FCHO2: variants seen among roughly 807,000 people sequenced by gnomAD.
The protein encoded by FCHO2 is F-BAR domain only protein 2.
In FCHO2, 43 loss-of-function variants were observed where a neutral mutation model predicts 114.1. That is an observed-to-expected ratio of 0.38 (90% CI 0.30 to 0.49). The LOEUF (loss-of-function observed/expected upper bound fraction) is 0.49, where lower values mean the gene tolerates loss of function less well. Ranked by LOEUF, FCHO2 falls within the 20% of genes least tolerant of loss-of-function variation. FCHO2 has a pLI of 0.97. For missense variants in FCHO2, 807 were observed against 950.4 expected (o/e 0.85, Z 1.98); for synonymous variants, 293 against 315.2 (o/e 0.93, Z 0.75).
intron 5 of FCHO2, among the ~76,000 whole-genome samples, chr5:73,001,202 G>A (rs12153334): frequency 0.12 from 17,904 of 152,096 alleles, 1,268 homozygotes; most frequent in Non-Finnish European, 0.17. Context: ...TTTGGGACCA[G>A]CCTGGGCAAC....
rs143626052 is a variant in FCHO2, at chr5:73,023,789, G to A, written c.796+6481G>A. On this transcript the variant is annotated intron_variant, in intron 8 of 25. Coordinates refer to ENST00000430046, the MANE Select transcript of FCHO2 (RefSeq NM_138782.3). ...TTATCAAATATATGCCACTAATTTC[G>A]TTTAATATAGACTTGCAGGTGAATG... is the stretch of plus-strand genomic sequence containing the variant. Among the ~76,000 whole-genome samples the A allele has an allele frequency of 1.8e-3, 279 of 151,788 alleles. 2 individuals are homozygous for A. The highest frequency in any genetic ancestry group is 6.4e-3 in the African/African-American group (265 of 41,418).
At chr5:72,996,505 A>G (rs1056760086) in intron 5 of FCHO2, among the ~76,000 whole-genome samples, 1 of 152,046 alleles carries the variant, frequency 6.6e-6, no homozygotes, top group Non-Finnish European at 1.5e-5. Context: ...AAAAACAGAA[A>G]AAAGCTATTG....
rs1743432098 is a variant in FCHO2 at position 73,089,920 on chromosome 5, C to T, written c.*1830C>T. On this transcript the variant is annotated 3_prime_UTR_variant, in exon 26 of 26. Transcript: ENST00000430046. ...ATGCTAATCTTTACTAAATAGTGAG[C>T]TAAATTAGAATTTCTAACTCTTATA... 6.6e-6 allele frequency: 1 copy of T among 152,508 alleles called. No individual in the cohort carries two copies. Among genetic ancestry groups the T allele is most frequent in the Non-Finnish European group, 1.5e-5 (1 of 67,962 alleles). The allele number at this position is 152,508 out of a possible 1,614,324, so 9.4% of individuals were successfully genotyped here.
intron 1 of FCHO2, among the ~76,000 whole-genome samples, chr5:72,958,943 T>G (rs1751705943): frequency 6.6e-6 from 1 of 152,238 alleles, no homozygotes; most frequent in Non-Finnish European, 1.5e-5. Flanking sequence ...TGAATAATAC[T>G]TCTCTGAATA....
Position 73,089,708 on chromosome 5 carries a change from C to T in FCHO2, c.*1618C>T, listed in dbSNP as rs1413963834. ...ATTTATATAAAACCACTAATTGTTC[C>T]GTTAAGCTTCACAGAAAATAAAACC... On this transcript the variant is annotated 3_prime_UTR_variant, in exon 26 of 26. Coordinates refer to ENST00000430046, the MANE Select transcript of FCHO2 (RefSeq NM_138782.3). The T allele has an allele frequency of 6.6e-6, 1 of 152,280 alleles. No homozygotes were observed. Among genetic ancestry groups the T allele is most frequent in the Non-Finnish European group, 1.5e-5 (1 of 67,886 alleles). 9.4% of individuals were successfully genotyped at this position (152,280 alleles called of 1,614,324 possible). A position where few individuals can be genotyped will look rare whatever the true frequency, so the allele number is the denominator to read the frequency against.
chr5:72,993,078 TCC>T (rs2112675242), intron 5 of FCHO2, among the ~76,000 whole-genome samples: 1 of 152,020 alleles, frequency 6.6e-6, no homozygotes, highest in East Asian at 1.9e-4. Flanking sequence ...AAGAATTTAC[TCC>T]AGATGAAATT....
rs181880545 is a variant in FCHO2 at position 73,083,135 on chromosome 5, C to T, written c.2245+310C>T. On this transcript the variant is annotated intron_variant, in intron 24 of 25. Transcript: ENST00000430046. Reference sequence around the variant, plus strand: ...TCCTGACCTCGTGATCTGCCCACCTCGGCCTCCCAAAGTGCTGGGATTACA... The same window carrying T: ...TCCTGACCTCGTGATCTGCCCACCTTGGCCTCCCAAAGTGCTGGGATTACA... Among the ~76,000 whole-genome samples, 423 of 152,152 alleles carry T rather than the reference C, an allele frequency of 2.8e-3. 3 individuals are homozygous for T. The highest frequency in any genetic ancestry group is 4.3e-3 in the Non-Finnish European group (293 of 68,016).
chr5:73,037,088 AAT>A, intron 9 of FCHO2, 53 bp from the exon 10 acceptor site: 1 of 1,241,046 alleles, frequency 8.1e-7, no homozygotes, highest in Middle Eastern at 2.0e-4. Flanking sequence ...CCATAAGTTT[AAT>A]ATGTTTATCA....
At chr5:73,082,878 T>A in intron 24 of FCHO2, 53 bp downstream of exon 24, 1 of 718,876 alleles carries the variant, frequency 1.4e-6, no homozygotes, top group South Asian at 2.6e-5. Context: ...GAAAATTGAT[T>A]TTTTTTTTTT....
chr5:73,053,570 CTT>C (rs1291398810), intron 13 of FCHO2, among the ~76,000 whole-genome samples: 1 of 152,026 alleles, frequency 6.6e-6, no homozygotes, highest in Admixed American at 6.5e-5. Flanking sequence ...TGGCATGCGC[CTT>C]TGGTCCTAGC....
rs1752332751 is a variant in FCHO2 at position 72,968,572 on chromosome 5, A to G, written c.108A>G (p.Ala36=). 4 of 1,534,194 alleles carry G rather than the reference A, an allele frequency of 2.6e-6. No homozygotes were observed. The highest frequency in any genetic ancestry group is 2.6e-6 in the Non-Finnish European group (3 of 1,148,720). The change falls in exon 2 of 26, where the codon GCA becomes GCG. Residue 36 remains alanine, a synonymous_variant. Coordinates refer to ENST00000430046, the MANE Select transcript of FCHO2 (RefSeq NM_138782.3). The stretch of plus-strand genomic sequence containing the variant: ...GACAGATATCAACAAAAGAACTAGC[A>G]GATTTTGTAAGGGAACGGTATGTAT... ...KHGQISTKEL[A]DFVRERATIE... is the part of the protein sequence containing the mutation.
intron 5 of FCHO2, among the ~76,000 whole-genome samples, chr5:72,999,133 C>T (rs569207513): frequency 6.6e-6 from 1 of 152,018 alleles, no homozygotes; most frequent in African/African-American, 2.4e-5. Context: ...GGAAGGGGTG[C>T]TTTTTTCTAA....
chr5:73,054,305 A>C, intron 14 of FCHO2, 134 bp downstream of exon 14: 1 of 919,430 alleles, frequency 1.1e-6, no homozygotes, highest in Non-Finnish European at 1.6e-6. Flanking sequence ...TGTTGCTTTA[A>C]TATTTTAAAA....
chr5:73,039,958 A>G (rs1756728397), intron 10 of FCHO2, among the ~76,000 whole-genome samples: 2 of 117,082 alleles, frequency 1.7e-5, no homozygotes, highest in African/African-American at 5.3e-5. Flanking sequence ...AAAAAAAAAG[A>G]AGAAGAAAGA....
chr5:73,006,458 C>T lies in FCHO2; in HGVS notation c.509C>T (p.Ser170Phe). The change falls in exon 6 of 26, where the codon TCT becomes TTT. Residue 170 changes from serine to phenylalanine, a missense_variant. Coordinates refer to ENST00000430046, the MANE Select transcript of FCHO2 (RefSeq NM_138782.3). ...ATTTTATTACAGGCAGCTGTTAAATCTAAGAAAGCTACAGATACCTATAAA... is the reference window on the plus strand; with the variant it reads ...ATTTTATTACAGGCAGCTGTTAAATTTAAGAAAGCTACAGATACCTATAAA... ...QREIEKAAVK[S>F]KKATDTYKLY... The T allele has an allele frequency of 6.5e-7, 1 of 1,527,526 alleles. No individual in the cohort carries two copies. The highest frequency in any genetic ancestry group is 8.7e-7 in the Non-Finnish European group (1 of 1,146,348). The allele number at this position is 1,527,526 out of a possible 1,614,324, so 94.6% of individuals were successfully genotyped here.
intron 5 of FCHO2, chr5:72,996,812 TTAGGGCTGCCGTTCCCCC>T (rs1754133275): frequency 8.2e-6 from 6 of 727,782 alleles, no homozygotes; most frequent in Non-Finnish European, 1.4e-5. Flanking sequence ...CTCCTGCCAC[TTAGGGCTGCCGTTCCCCC>T]TCCCGGCAAC....
intron 6 of FCHO2, among the ~76,000 whole-genome samples, chr5:73,011,563 T>C (rs1249134423): frequency 6.6e-6 from 1 of 152,158 alleles, no homozygotes; most frequent in Non-Finnish European, 1.5e-5. Context: ...ATTGCTCTTT[T>C]ATCTCCACAT....
intron 5 of FCHO2, chr5:72,996,844 G>A: frequency 1.0e-6 from 1 of 1,004,816 alleles, no homozygotes. Flanking sequence ...CGGCAACGGG[G>A]GGCTGGCGGA....
At chr5:73,078,051 A>G (rs1040818581) in intron 21 of FCHO2, 129 bp from the exon 22 acceptor site, 26 of 587,706 alleles carry the variant, frequency 4.4e-5, no homozygotes, top group Non-Finnish European at 6.4e-5. Context: ...TCATCCCCTG[A>G]TCTAATTTTC....
Sources: allele counts gnomAD v4.1 joint callset (sites outside exome capture counted in the v4.1 genomes callset), GRCh38; gene constraint gnomAD v4.1.1; transcripts MANE v1.5; gene names NCBI Gene and HGNC (gene_info 2026-07-23, HGNC 2026-07-21).